Variants in VPS13B observed in about 807,000 individuals in gnomAD.
The protein encoded by VPS13B is intermembrane lipid transfer protein VPS13B.
VPS13B carries 285 observed loss-of-function variants against 426.4 expected under a neutral mutation model. That is an observed-to-expected ratio of 0.67 (90% CI 0.61 to 0.74). VPS13B has a LOEUF of 0.74. VPS13B is among the 30% of genes least tolerant of loss of function. VPS13B has a pLI of 0.00. For synonymous variants in VPS13B, 1,676 were observed against 1,676.4 expected (o/e 1.00, Z 0.01); for missense variants, 4,537 against 4,782.6 (o/e 0.95, Z 1.51).
intron 30 of VPS13B, among the ~76,000 whole-genome samples, chr8:99,531,124 A>G (rs1822912354): frequency 6.6e-6 from 1 of 152,230 alleles, no homozygotes; most frequent in African/African-American, 2.4e-5. Context: ...GGATGGACTT[A>G]ATATTATAAC....
intron 8 of VPS13B, among the ~76,000 whole-genome samples, chr8:99,122,200 A>T (rs1405237188): frequency 6.6e-6 from 1 of 151,408 alleles, no homozygotes; most frequent in African/African-American, 2.4e-5. Flanking sequence ...ACATATAATT[A>T]TCTCTTTCCT....
Position 99,828,129 on chromosome 8 carries a change from TTG to T in VPS13B, c.9330+4153_9330+4154del, listed in dbSNP as rs551721314. On this transcript the variant is annotated intron_variant, in intron 51 of 61. Coordinates refer to ENST00000357162, the MANE Select transcript of VPS13B (RefSeq NM_152564.5). ...AGCTGAGTTTAAGTCCTGAATATCC[TTG>T]TTAATTTTCTGTCTTGTTGAGCTAA... 3.9e-5 allele frequency among the ~76,000 whole-genome samples: 6 copies of T among 152,260 alleles called. No homozygotes were observed. In the East Asian group the frequency reaches 1.2e-3, roughly 29 times the overall value.
chr8:99,277,657 A>G (rs961842055), intron 19 of VPS13B, among the ~76,000 whole-genome samples: 1 of 152,144 alleles, frequency 6.6e-6, no homozygotes, highest in Non-Finnish European at 1.5e-5. Flanking sequence ...TCCTACACAC[A>G]TATTGACACT....
chr8:99,647,845 G>A (rs1290278473), intron 34 of VPS13B, among the ~76,000 whole-genome samples: 1 of 152,100 alleles, frequency 6.6e-6, no homozygotes, highest in Non-Finnish European at 1.5e-5. Context: ...ATGGCTCTGG[G>A]TGATGCTTCT....
chr8:99,352,953 A>G (rs2133215843), intron 19 of VPS13B, among the ~76,000 whole-genome samples: 1 of 152,140 alleles, frequency 6.6e-6, no homozygotes, highest in African/African-American at 2.4e-5. Flanking sequence ...AGTTCTAATG[A>G]ATTTACTTAA....
chr8:99,262,518 C>T (rs1015993666), intron 17 of VPS13B, among the ~76,000 whole-genome samples: 2 of 152,070 alleles, frequency 1.3e-5, no homozygotes, highest in African/African-American at 4.8e-5. Flanking sequence ...AGGTTTTTCA[C>T]TTTCTTCTTA....
intron 15 of VPS13B, among the ~76,000 whole-genome samples, chr8:99,166,872 C>T (rs1217963067): frequency 6.6e-6 from 1 of 152,002 alleles, no homozygotes; most frequent in Non-Finnish European, 1.5e-5. Context: ...ACATATAGAC[C>T]CGTAGAAAAG....
chr8:99,768,913 G>T (rs1811354297), intron 40 of VPS13B, among the ~76,000 whole-genome samples: 1 of 152,154 alleles, frequency 6.6e-6, no homozygotes, highest in Non-Finnish European at 1.5e-5. Context: ...TTTTAAATCT[G>T]AGTTTCATTA....
intron 19 of VPS13B, among the ~76,000 whole-genome samples, chr8:99,287,232 GTCTATCTA>G (rs58719967): frequency 0.068 from 9,414 of 138,936 alleles, 382 homozygotes; most frequent in East Asian, 0.16. Context: ...CTATCTGTCT[GTCTATCTA>G]TCTATCTATC....
chr8:99,738,091 C>T (rs192594690), intron 39 of VPS13B, among the ~76,000 whole-genome samples: 79 of 152,294 alleles, frequency 5.2e-4, no homozygotes, highest in Admixed American at 9.8e-4. Flanking sequence ...CTCTTAAGAC[C>T]GCTCTCAGAC....
chr8:99,422,192 A>G (rs1004007144), intron 21 of VPS13B, among the ~76,000 whole-genome samples: 4 of 152,118 alleles, frequency 2.6e-5, no homozygotes, highest in African/African-American at 9.7e-5. Context: ...TGAATTGAAA[A>G]CTGGTATATC....
intron 23 of VPS13B, among the ~76,000 whole-genome samples, chr8:99,458,316 G>A (rs546890320): frequency 9.3e-5 from 14 of 151,304 alleles, no homozygotes; most frequent in South Asian, 8.4e-4. Flanking sequence ...CCAGTCTATC[G>A]TTGTTGGACA....
At chr8:99,695,559 GA>G (rs1831933455) in intron 35 of VPS13B, among the ~76,000 whole-genome samples, 2 of 92,312 alleles carry the variant, frequency 2.2e-5, no homozygotes, top group African/African-American at 4.2e-5. Context: ...GGGGTGGGGG[GA>G]GGGGGGAGGG....
intron 35 of VPS13B, among the ~76,000 whole-genome samples, chr8:99,664,327 TTA>T (rs1830370194): frequency 6.6e-6 from 1 of 151,898 alleles, no homozygotes; most frequent in African/African-American, 2.4e-5. Flanking sequence ...TTTTTTTTTT[TTA>T]ATCATACTTT....
At chr8:99,349,384 C>G (rs1050706461) in intron 19 of VPS13B, among the ~76,000 whole-genome samples, 1 of 134,388 alleles carries the variant, frequency 7.4e-6, no homozygotes, top group African/African-American at 2.7e-5. Flanking sequence ...CTTTCTTTTA[C>G]TACTCAGACT....
intron 5 of VPS13B, among the ~76,000 whole-genome samples, chr8:99,103,401 C>A (rs892722125): frequency 3.3e-5 from 5 of 151,802 alleles, no homozygotes; most frequent in African/African-American, 7.3e-5. Flanking sequence ...GTGATCTCAG[C>A]TCACTGCAAC....
chr8:99,438,451 C>T (rs1221025902), intron 22 of VPS13B, among the ~76,000 whole-genome samples: 1 of 152,114 alleles, frequency 6.6e-6, no homozygotes, highest in African/African-American at 2.4e-5. Context: ...TTAATCCTTA[C>T]AAATTTTGCA....
At chr8:99,823,459 AG>A (rs1046184353) in intron 50 of VPS13B, among the ~76,000 whole-genome samples, 6 of 152,234 alleles carry the variant, frequency 3.9e-5, no homozygotes, top group African/African-American at 1.4e-4. Flanking sequence ...GAGGAGGAGG[AG>A]GAGGAGTGAG....
At chr8:99,573,287 G>C (rs2133803210) in intron 31 of VPS13B, among the ~76,000 whole-genome samples, 1 of 152,286 alleles carries the variant, frequency 6.6e-6, no homozygotes, top group South Asian at 2.1e-4. Flanking sequence ...TTGCAGTGCA[G>C]AAGCTCTTTA....
Sources: allele counts gnomAD v4.1 joint callset (sites outside exome capture counted in the v4.1 genomes callset), GRCh38; gene constraint gnomAD v4.1.1; transcripts MANE v1.5; gene names NCBI Gene and HGNC (gene_info 2026-07-23, HGNC 2026-07-21).